KCNIP4: variants seen among roughly 807,000 people sequenced by gnomAD.
KCNIP4 encodes the protein Kv channel-interacting protein 4.
In KCNIP4, 12 loss-of-function variants were observed where a neutral mutation model predicts 34.0. The observed-to-expected ratio is 0.35, with a 90% CI of 0.23 to 0.57. The LOEUF is 0.57. Among genes scored for constraint, KCNIP4 ranks in the 20% least tolerant of loss-of-function variants. The pLI is 0.83. For synonymous variants in KCNIP4, 124 were observed against 102.2 expected, an observed-to-expected ratio of 1.21 and a Z score of -1.29; for missense variants, 238 against 311.7, an observed-to-expected ratio of 0.76 and a Z score of 1.78.
At chr4:21,129,494 G>A (rs961807758) in intron 1 of KCNIP4, among the ~76,000 whole-genome samples, 4 of 152,186 alleles carry the variant, frequency 2.6e-5, no homozygotes, top group Non-Finnish European at 5.9e-5. Context: ...CAAAACTTCA[G>A]ATCTCTCTGA....
At chr4:21,882,997 T>C (rs1001091513) in intron 1 of KCNIP4, among the ~76,000 whole-genome samples, 1 of 152,106 alleles carries the variant, frequency 6.6e-6, no homozygotes, top group Non-Finnish European at 1.5e-5. Context: ...ATTTAGAATC[T>C]GGAAATAAAA....
intron 1 of KCNIP4, among the ~76,000 whole-genome samples, chr4:21,704,021 C>G (rs1241013696): frequency 1.3e-5 from 2 of 152,006 alleles, no homozygotes; most frequent in Non-Finnish European, 2.9e-5. Flanking sequence ...AGAAATAGAG[C>G]CACACAATTA....
chr4:21,828,637 G>A (rs139129067), intron 1 of KCNIP4, among the ~76,000 whole-genome samples: 5 of 151,926 alleles, frequency 3.3e-5, no homozygotes, highest in African/African-American at 1.2e-4. Flanking sequence ...AGAACAGGTC[G>A]CTTACAGACT....
At chr4:20,827,180 C>T (rs1717865913) in intron 3 of KCNIP4, among the ~76,000 whole-genome samples, 1 of 152,204 alleles carries the variant, frequency 6.6e-6, no homozygotes. Flanking sequence ...AATTCAACTA[C>T]TCTGAGATCA....
chr4:21,277,002 C>T (rs1262706686), intron 1 of KCNIP4, among the ~76,000 whole-genome samples: 1 of 152,196 alleles, frequency 6.6e-6, no homozygotes, highest in East Asian at 1.9e-4. Flanking sequence ...ATATGCTAAG[C>T]ACGGTGTGAA....
intron 1 of KCNIP4, among the ~76,000 whole-genome samples, chr4:21,763,707 G>A (rs1049357417): frequency 3.3e-5 from 5 of 152,046 alleles, no homozygotes; most frequent in African/African-American, 1.2e-4. Context: ...GTTATTCTGA[G>A]GATTAAATAA....
intron 1 of KCNIP4, among the ~76,000 whole-genome samples, chr4:21,047,765 G>C (rs1231516310): frequency 6.6e-6 from 1 of 152,176 alleles, no homozygotes. Context: ...TGATAGCCTA[G>C]AGCAGCTACC....
chr4:20,801,758 G>C (rs1294866733), intron 3 of KCNIP4, among the ~76,000 whole-genome samples: 1 of 152,026 alleles, frequency 6.6e-6, no homozygotes, highest in East Asian at 1.9e-4. Context: ...TAGACAACAA[G>C]AGAGGAAGAA....
intron 1 of KCNIP4, among the ~76,000 whole-genome samples, chr4:21,019,678 A>T (rs568496782): frequency 6.6e-6 from 1 of 152,296 alleles, no homozygotes; most frequent in South Asian, 2.1e-4. Flanking sequence ...GTTCAAATCA[A>T]ATACAGTGAC....
chr4:21,671,690 C>A (rs1032187594), intron 1 of KCNIP4, among the ~76,000 whole-genome samples: 3 of 152,162 alleles, frequency 2.0e-5, no homozygotes, highest in Non-Finnish European at 4.4e-5. Flanking sequence ...TACTCAGACT[C>A]AGGGGTATTA....
At chr4:21,147,962 A>AAAAAAAAG (rs1553945858) in intron 1 of KCNIP4, among the ~76,000 whole-genome samples, 1,582 of 122,870 alleles carry the variant, frequency 0.013, 23 homozygotes, top group South Asian at 0.025. Flanking sequence ...AAAAAAAAAG[A>AAAAAAAAG]AAAAAAGTTC....
chr4:20,796,279 A>C (rs1272935300), intron 3 of KCNIP4, among the ~76,000 whole-genome samples: 1 of 152,168 alleles, frequency 6.6e-6, no homozygotes, highest in Non-Finnish European at 1.5e-5. Context: ...ACCCAGTTGG[A>C]AGGAGCTAAA....
At chr4:21,145,958 T>C (rs1752311011) in intron 1 of KCNIP4, among the ~76,000 whole-genome samples, 1 of 152,258 alleles carries the variant, frequency 6.6e-6, no homozygotes, top group Non-Finnish European at 1.5e-5. Context: ...TCTTTGTCCT[T>C]GCATTAGACT....
chr4:21,859,584 C>T (rs144275174), intron 1 of KCNIP4, among the ~76,000 whole-genome samples: 1,536 of 150,848 alleles, frequency 0.01, 26 homozygotes, highest in African/African-American at 0.035. Context: ...GCCGAGATCG[C>T]GCCACTGCAC....
chr4:20,845,363 A>T (rs950288922), intron 3 of KCNIP4, among the ~76,000 whole-genome samples: 2 of 152,150 alleles, frequency 1.3e-5, no homozygotes, highest in East Asian at 3.9e-4. Context: ...CAACCTAGTG[A>T]CACTGTGCTC....
At chr4:21,691,515 C>A (rs996520607) in intron 1 of KCNIP4, among the ~76,000 whole-genome samples, 1 of 152,034 alleles carries the variant, frequency 6.6e-6, no homozygotes, top group Admixed American at 6.6e-5. Flanking sequence ...CTCATTCCTG[C>A]CAGAAACAGA....
At chr4:21,091,115 C>T (rs1392596104) in intron 1 of KCNIP4, among the ~76,000 whole-genome samples, 3 of 152,124 alleles carry the variant, frequency 2.0e-5, no homozygotes, top group Non-Finnish European at 2.9e-5. Context: ...TTTCTCTGTC[C>T]TTGAATACTG....
intron 3 of KCNIP4, among the ~76,000 whole-genome samples, chr4:20,789,885 A>C (rs1027148068): frequency 6.6e-6 from 1 of 152,148 alleles, no homozygotes; most frequent in Non-Finnish European, 1.5e-5. Flanking sequence ...GGTTTGTTAT[A>C]CAGCAAAAGC....
intron 1 of KCNIP4, among the ~76,000 whole-genome samples, chr4:21,457,424 C>G (rs1362553042): frequency 6.6e-6 from 1 of 151,938 alleles, no homozygotes; most frequent in African/African-American, 2.4e-5. Flanking sequence ...GCTCCTAATT[C>G]TCAGTGGGCA....
Sources: allele counts gnomAD v4.1 joint callset (sites outside exome capture counted in the v4.1 genomes callset), GRCh38; gene constraint gnomAD v4.1.1; transcripts MANE v1.5; gene names NCBI Gene and HGNC (gene_info 2026-07-23, HGNC 2026-07-21).